Variants in SF1 observed in about 807,000 individuals in gnomAD.
SF1 encodes splicing factor 1, also known as branch point-binding protein.
Under a neutral mutation model 62.5 loss-of-function variants are expected in SF1, and 7 were observed. The observed-to-expected ratio is 0.11, with a 90% CI of 0.06 to 0.21. The LOEUF is 0.21. Among genes scored for constraint, SF1 ranks in the 10% least tolerant of loss-of-function variants. SF1 has a pLI of 1.00. For missense variants in SF1, 578 were observed against 884.0 expected (o/e 0.65, Z 4.39); for synonymous variants, 394 against 323.6 (o/e 1.22, Z -2.33).
At chr11:64,771,247 G>A (rs1281427737) in intron 3 of SF1, among the ~76,000 whole-genome samples, 1 of 152,068 alleles carries the variant, frequency 6.6e-6, no homozygotes, top group Non-Finnish European at 1.5e-5. Flanking sequence ...GTTGCTACAA[G>A]TAAAAAAATG....
chr11:64,765,286 G>C lies in SF1; in HGVS notation c.*532C>G. The C allele has an allele frequency of 1.6e-6, 1 of 609,022 alleles. No homozygotes were observed. The highest frequency in any genetic ancestry group is 2.2e-5 in the South Asian group (1 of 46,168). The allele number at this position is 609,022 out of a possible 1,614,324, so 37.7% of individuals were successfully genotyped here. On this transcript the variant is annotated 3_prime_UTR_variant, in exon 13 of 13. Coordinates refer to ENST00000377390, the MANE Select transcript of SF1 (RefSeq NM_004630.4). ...GAGAGCATCTCCTTGGACGGAGTCT[G>C]AAGAAAGGAAAAGATAAAGAAGTAA...
chr11:64,775,572 C>T (rs754306686), intron 2 of SF1, among the ~76,000 whole-genome samples: 1 of 152,178 alleles, frequency 6.6e-6, no homozygotes, highest in Non-Finnish European at 1.5e-5. Context: ...TAGTAACATG[C>T]TGGCCTTGAA....
chr11:64,773,414 A>T lies in SF1; in HGVS notation c.236+16T>A, dbSNP rs1270389432. On this transcript the variant is annotated intron_variant, in intron 3 of 12. Coordinates refer to ENST00000377390, the MANE Select transcript of SF1 (RefSeq NM_004630.4). ...GTAAAAGCGTTACTGTCAGCTGGTTAAAACTGTTTCCCAACCTGTCCTCAG... is the reference window on the plus strand; with the variant it reads ...GTAAAAGCGTTACTGTCAGCTGGTTTAAACTGTTTCCCAACCTGTCCTCAG... 1.2e-6 allele frequency: 2 copies of T among 1,612,444 alleles called. No homozygotes were observed. The highest frequency in any genetic ancestry group is 2.7e-5 in the African/African-American group (2 of 74,958).
intron 2 of SF1, among the ~76,000 whole-genome samples, chr11:64,775,016 T>C (rs1465948932): frequency 6.7e-6 from 1 of 150,220 alleles, no homozygotes; most frequent in Non-Finnish European, 1.5e-5. Context: ...GTATGTACCG[T>C]GGGAGACAGA....
chr11:64,771,592 T>G, intron 3 of SF1: 1 of 985,342 alleles, frequency 1.0e-6, no homozygotes, highest in Non-Finnish European at 1.2e-6. Flanking sequence ...AAAGGTCAGG[T>G]TTGTTCATGG....
intron 2 of SF1, among the ~76,000 whole-genome samples, chr11:64,774,128 C>G (rs1381851162): frequency 6.6e-6 from 1 of 152,184 alleles, no homozygotes; most frequent in East Asian, 1.9e-4. Flanking sequence ...CTCCCAATAC[C>G]TGCAGCTCTT....
Position 64,766,360 on chromosome 11 carries a change from AAC to A in SF1, c.1583-207_1583-206del, listed in dbSNP as rs2058670590. 4 of 594,240 alleles carry A rather than the reference AAC, an allele frequency of 6.7e-6. No homozygotes were observed. In the South Asian group the frequency reaches 8.0e-5, roughly 12 times the overall value. 36.8% of individuals were successfully genotyped at this position (594,240 alleles called of 1,614,324 possible). A position where few individuals can be genotyped will look rare whatever the true frequency, so the allele number is the denominator to read the frequency against. ...GGTCAGCCTCGAGGTCTCTGGGCTTAACAGAGTAAGCCCTTTGTCACCAATGC... is the reference window on the plus strand; with the variant it reads ...GGTCAGCCTCGAGGTCTCTGGGCTTAAGAGTAAGCCCTTTGTCACCAATGC... On this transcript the variant is annotated intron_variant, in intron 12 of 12. Transcript: ENST00000377390.
At chr11:64,770,511 T>C (rs1442663626) in intron 3 of SF1, 103 bp from the exon 4 acceptor site, 2 of 1,268,988 alleles carry the variant, frequency 1.6e-6, no homozygotes, top group Admixed American at 2.0e-5. Flanking sequence ...CAGACCCTAA[T>C]ACAACACTCT....
Position 64,777,799 on chromosome 11 carries a change from C to G in SF1, c.31+563G>C, listed in dbSNP as rs373714343. The G allele has an allele frequency of 4.1e-6, 4 of 982,546 alleles. No individual in the cohort carries two copies. In the South Asian group the frequency reaches 1.4e-4, roughly 35 times the overall value. 60.9% of individuals were successfully genotyped at this position (982,546 alleles called of 1,614,324 possible). On this transcript the variant is annotated intron_variant, in intron 1 of 12. Transcript: ENST00000377390. The stretch of plus-strand genomic sequence containing the variant: ...CCTCCCGCCCGCCCAGCCCTCCCCC[C>G]ACAGCGCGCGTGCGCACTCGAGGCC...
At chr11:64,778,189 C>A in intron 1 of SF1, 173 bp downstream of exon 1, 1 of 1,027,820 alleles carries the variant, frequency 9.7e-7, no homozygotes, top group Non-Finnish European at 1.2e-6. Flanking sequence ...GCGGCGGAGG[C>A]AGCGCCGCGA....
At chr11:64,774,716 T>C (rs1029263211) in intron 2 of SF1, among the ~76,000 whole-genome samples, 1 of 152,042 alleles carries the variant, frequency 6.6e-6, no homozygotes. Context: ...TCCCAGTACT[T>C]TGGGAGGCCA....
chr11:64,778,531 C>A lies in SF1; in HGVS notation c.-139G>T. ...CCTCTCACGCGGCGGGCGGCGGCGG[C>A]GCGAGACGCACAAAGAGGGAGGAGA... On this transcript the variant is annotated 5_prime_UTR_variant, in exon 1 of 13. Coordinates refer to ENST00000377390, the MANE Select transcript of SF1 (RefSeq NM_004630.4). 8.5e-7 allele frequency: 1 copy of A among 1,181,972 alleles called. No individual in the cohort carries two copies. The highest frequency in any genetic ancestry group is 1.0e-6 in the Non-Finnish European group (1 of 955,678). The allele number at this position is 1,181,972 out of a possible 1,614,324, so 73.2% of individuals were successfully genotyped here. A position where few individuals can be genotyped will look rare whatever the true frequency, so the allele number is the denominator to read the frequency against.
chr11:64,771,416 G>T, intron 3 of SF1: 1 of 969,494 alleles, frequency 1.0e-6, no homozygotes, highest in Non-Finnish European at 1.2e-6. Context: ...AGACCATGTG[G>T]ATCAGGTTAT....
chr11:64,766,043 A>G lies in SF1; in HGVS notation c.1695T>C (p.Thr565=). 6.2e-7 allele frequency: 1 copy of G among 1,610,952 alleles called. No homozygotes were observed. The highest frequency in any genetic ancestry group is 8.5e-7 in the Non-Finnish European group (1 of 1,179,222). ...PGAPQMQGNP[T]MVPLPPGVQP... ...GGACCCCGGGGGGCAGGGGCACCAT[A>G]GTGGGGTTGCCTTGCATCTGAGGGG... Residue 565 remains threonine, a synonymous_variant, in exon 13 of 13, where the codon ACT becomes ACC. Transcript: ENST00000377390.
chr11:64,775,735 T>C (rs766157491), intron 2 of SF1, among the ~76,000 whole-genome samples: 5 of 152,196 alleles, frequency 3.3e-5, no homozygotes, highest in Non-Finnish European at 7.4e-5. Context: ...AAACTTGCAT[T>C]AAAAACTTTT....
rs747461895 is a variant in SF1, at chr11:64,769,864, A to G, written c.479+100T>C. On this transcript the variant is annotated intron_variant, in intron 5 of 12. Coordinates refer to ENST00000377390, the MANE Select transcript of SF1 (RefSeq NM_004630.4). ...AGCCAAAATGAAATGTCCTACCAAA[A>G]AGGGGAAAAGTAAGCCAACAGTCCC... is the stretch of plus-strand genomic sequence containing the variant. The G allele has an allele frequency of 1.9e-5, 18 of 942,586 alleles. No individual in the cohort carries two copies. The Admixed American group carries it at 3.0e-4, about 15-fold the overall frequency. The allele number at this position is 942,586 out of a possible 1,614,324, so 58.4% of individuals were successfully genotyped here.
At chr11:64,773,153 G>C in intron 3 of SF1, 16 of 1,261,410 alleles carry the variant, frequency 1.3e-5, no homozygotes, top group Non-Finnish European at 1.6e-5. Context: ...CCCTAAGGGT[G>C]GGTAAATCAG....
Position 64,765,890 on chromosome 11 carries a change from C to T in SF1, c.1848G>A (p.Met616Ile), listed in dbSNP as rs963128263. 6 of 1,564,502 alleles carry T rather than the reference C, an allele frequency of 3.8e-6. No individual in the cohort carries two copies. Among genetic ancestry groups the T allele is most frequent in the Non-Finnish European group, 4.3e-6 (5 of 1,155,048 alleles). Residue 616 changes from methionine (M) to isoleucine (I), a missense_variant, in exon 13 of 13, where the codon ATG becomes ATA. Transcript: ENST00000377390. ...PMDPSNFVTMMGMGVAGMPPF... is the reference protein window; with the variant it reads ...PMDPSNFVTMIGMGVAGMPPF... ...GCGGCATGCCCGCCACCCCCATGCCCATCATGGTGACAAAGTTAGAAGGGT... is the reference window on the plus strand; with the variant it reads ...GCGGCATGCCCGCCACCCCCATGCCTATCATGGTGACAAAGTTAGAAGGGT...
chr11:64,765,977 AGGCGGCGGAGGG>A lies in SF1; in HGVS notation c.1749_1760del (p.Pro587_Pro590del). The stretch of plus-strand genomic sequence containing the variant: ...TCATGCCGGCGGAACCAGGCGGTGG[AGGCGGCGGAGGG>A]GGAGGGGCCCCAGGCGGCAGAGGCG... On this transcript the variant is annotated inframe_deletion, in exon 13 of 13. Transcript: ENST00000377390. The A allele has an allele frequency of 4.1e-6, 5 of 1,220,808 alleles. No homozygotes were observed. Among genetic ancestry groups the A allele is most frequent in the Non-Finnish European group, 5.2e-6 (5 of 954,350 alleles). 75.6% of individuals were successfully genotyped at this position (1,220,808 alleles called of 1,614,324 possible).
Sources: gnomAD v4.1 joint callset for allele counts (sites outside exome capture counted in the v4.1 genomes callset) on GRCh38, gnomAD v4.1.1 for gene constraint, MANE v1.5 for transcripts, NCBI Gene and HGNC (gene_info 2026-07-23, HGNC 2026-07-21) for gene names.